The following HCN1 variants were observed in gnomAD, a reference collection of about 807,000 sequenced individuals.
The protein encoded by HCN1 is hyperpolarization activated cyclic nucleotide gated potassium channel 1, also known as potassium/sodium hyperpolarization-activated cyclic nucleotide-gated channel 1.
Under a neutral mutation model 78.9 loss-of-function variants are expected in HCN1, and 13 were observed. The observed-to-expected ratio is 0.16, with a 90% confidence interval of 0.11 to 0.26. The LOEUF (loss-of-function observed/expected upper bound fraction) is 0.26, where lower values mean the gene tolerates loss of function less well. HCN1 is among the 10% of genes least tolerant of loss of function. The pLI, the probability that HCN1 is intolerant of heterozygous loss-of-function variation, is 1.00. For missense variants in HCN1, 810 were observed against 1,154.3 expected (o/e 0.70, Z 4.32); for synonymous variants, 552 against 455.5 (o/e 1.21, Z -2.70).
intron 4 of HCN1, among the ~76,000 whole-genome samples, chr5:45,372,084 TA>T (rs1747393213): frequency 1.7e-5 from 1 of 58,474 alleles, no homozygotes; most frequent in Non-Finnish European, 2.7e-5. Flanking sequence ...ATATATAATA[TA>T]ATTATATATA....
In HCN1 at chr5:45,262,054, G is replaced by A. The variant is rs572698864; in HGVS notation, c.2540C>T (p.Ser847Leu). Residue 847 changes from serine (S) to leucine (L), a missense_variant, in exon 8 of 8, where the codon TCG becomes TTG. Physicochemically the swap from Ser to Leu is moderately radical, Grantham distance 145 (BLOSUM62 -2). Around this residue, in one of 6 missense-constraint regions of HCN1, gnomAD observed 398 missense variants for 381.3 expected, o/e 1.04. Coordinates refer to ENST00000303230, the MANE Select transcript of HCN1 (RefSeq NM_021072.4). ...QRVTLFRQMS[S>L]GAIPPNRGVP... Reference sequence around the variant, plus strand: ...TCCTCGGTTCGGGGGGATGGCTCCCGACGACATCTGTCGGAAGAGGGTGAC... The same window carrying A: ...TCCTCGGTTCGGGGGGATGGCTCCCAACGACATCTGTCGGAAGAGGGTGAC... 6.2e-7 allele frequency: 1 copy of A among 1,613,866 alleles called. No homozygotes were observed. The highest frequency in any genetic ancestry group is 2.2e-5 in the East Asian group (1 of 44,846).
At position 45,256,553 on chromosome 5, in the gene HCN1, AG is replaced by A. The variant is rs1390843002; in HGVS notation, c.*5367del. 2.0e-5 allele frequency: 3 copies of A among 152,100 alleles called. No homozygotes were observed. In the East Asian group the frequency reaches 5.8e-4, roughly 29 times the overall value. The allele number at this position is 152,100 out of a possible 1,614,324, so 9.4% of individuals were successfully genotyped here. A position where few individuals can be genotyped will look rare whatever the true frequency, so the allele number is the denominator to read the frequency against. The stretch of plus-strand genomic sequence containing the variant: ...TGTTTGTTTGGGTTTTTCTTGAGAA[AG>A]GGTTTTGCTCTGTCCCCCAAGCTGG... On this transcript the variant is annotated 3_prime_UTR_variant, in exon 8 of 8. Coordinates refer to ENST00000303230, the MANE Select transcript of HCN1 (RefSeq NM_021072.4).
At chr5:45,641,164 T>A (rs867450380) in intron 2 of HCN1, among the ~76,000 whole-genome samples, 1 of 152,170 alleles carries the variant, frequency 6.6e-6, no homozygotes, top group East Asian at 1.9e-4. Flanking sequence ...TATGTGTTTT[T>A]AAAAATATAA....
At chr5:45,433,821 T>G (rs1026288779) in intron 3 of HCN1, among the ~76,000 whole-genome samples, 2 of 152,226 alleles carry the variant, frequency 1.3e-5, no homozygotes, top group Non-Finnish European at 2.9e-5. Flanking sequence ...CTTTCTACAT[T>G]GTGCCAGCAA....
At chr5:45,548,861 C>G (rs1376448839) in intron 2 of HCN1, among the ~76,000 whole-genome samples, 9 of 151,672 alleles carry the variant, frequency 5.9e-5, no homozygotes, top group African/African-American at 2.2e-4. Context: ...AACAGACAAA[C>G]AGAGAGCCAA....
At chr5:45,474,515 T>C (rs980891091) in intron 2 of HCN1, among the ~76,000 whole-genome samples, 8 of 151,922 alleles carry the variant, frequency 5.3e-5, no homozygotes, top group Admixed American at 1.3e-4. Context: ...TATCCTGCAA[T>C]TGGAGATTTC....
intron 6 of HCN1, among the ~76,000 whole-genome samples, chr5:45,269,107 G>T (rs1464031736): frequency 6.6e-6 from 1 of 152,200 alleles, no homozygotes; most frequent in African/African-American, 2.4e-5. Context: ...ATACAAATCT[G>T]CAGAGACAGA....
At chr5:45,505,791 C>T (rs1021806978) in intron 2 of HCN1, among the ~76,000 whole-genome samples, 3 of 151,904 alleles carry the variant, frequency 2.0e-5, no homozygotes, top group African/African-American at 2.4e-5. Context: ...TATATAAATA[C>T]ACACACATCC....
chr5:45,681,783 C>A (rs1739706606), intron 1 of HCN1, among the ~76,000 whole-genome samples: 2 of 152,044 alleles, frequency 1.3e-5, no homozygotes, highest in Admixed American at 1.3e-4. Flanking sequence ...TTCTAAATGT[C>A]ATTGCCCAAA....
At chr5:45,459,511 TAC>T (rs71997654) in intron 3 of HCN1, among the ~76,000 whole-genome samples, 73 of 150,712 alleles carry the variant, frequency 4.8e-4, no homozygotes, top group African/African-American at 1.7e-3. Flanking sequence ...ATAAACATAC[TAC>T]ACACACACAC....
In HCN1 at chr5:45,366,246, TA is replaced by T. The variant is rs1227820436; in HGVS notation, c.1231-13001del. The stretch of plus-strand genomic sequence containing the variant: ...ATGTGTGTGTGTGGTAATTCTTCAA[TA>T]AAAAAAGGAAATTTAATTATGTTTA... On this transcript the variant is annotated intron_variant, in intron 4 of 7. Transcript: ENST00000303230. Among the ~76,000 whole-genome samples the T allele has an allele frequency of 2.0e-5, 3 of 151,358 alleles. No homozygotes were observed. The East Asian group carries it at 5.8e-4, about 29-fold the overall frequency.
chr5:45,380,372 C>G (rs919375422), intron 4 of HCN1, among the ~76,000 whole-genome samples: 1 of 152,092 alleles, frequency 6.6e-6, no homozygotes, highest in Non-Finnish European at 1.5e-5. Flanking sequence ...TAAGCTTCAA[C>G]ATGAATTTTG....
intron 3 of HCN1, among the ~76,000 whole-genome samples, chr5:45,446,547 A>AT (rs1740800969): frequency 6.6e-6 from 1 of 152,126 alleles, no homozygotes; most frequent in Non-Finnish European, 1.5e-5. Context: ...CGCCACAAAG[A>AT]TACTCCTCGA....
chr5:45,368,449 T>C (rs1295528388), intron 4 of HCN1, among the ~76,000 whole-genome samples: 1 of 152,048 alleles, frequency 6.6e-6, no homozygotes, highest in Non-Finnish European at 1.5e-5. Context: ...AATGGAATAA[T>C]TTGATTTGGA....
chr5:45,307,022 C>G (rs995789957), intron 5 of HCN1, among the ~76,000 whole-genome samples: 1 of 151,890 alleles, frequency 6.6e-6, no homozygotes, highest in Non-Finnish European at 1.5e-5. Context: ...AACAGAAAGA[C>G]CAATCCCCAA....
chr5:45,474,312 C>T (rs1741470163), intron 2 of HCN1, among the ~76,000 whole-genome samples: 1 of 151,906 alleles, frequency 6.6e-6, no homozygotes. Context: ...CTGCAAGTAG[C>T]TTATCATGAG....
chr5:45,472,727 A>G (rs1401153307), intron 2 of HCN1, among the ~76,000 whole-genome samples: 6 of 151,974 alleles, frequency 3.9e-5, no homozygotes, highest in Non-Finnish European at 8.8e-5. Context: ...GTGACTATAG[A>G]ATAGGGCCTC....
chr5:45,374,073 TAA>T (rs1479469879), intron 4 of HCN1, among the ~76,000 whole-genome samples: 18 of 108,290 alleles, frequency 1.7e-4, no homozygotes, highest in East Asian at 9.8e-4. Context: ...ATAATATATA[TAA>T]TATCTATTAC....
intron 6 of HCN1, among the ~76,000 whole-genome samples, chr5:45,278,673 TTAG>T (rs1421122660): frequency 2.0e-5 from 3 of 152,130 alleles, no homozygotes; most frequent in South Asian, 2.1e-4. Flanking sequence ...GTTACTTTAG[TTAG>T]TAGTATGTGT....
Sources: allele counts gnomAD v4.1 joint callset (sites outside exome capture counted in the v4.1 genomes callset), GRCh38; gene constraint gnomAD v4.1.1; regional missense constraint gnomAD v4.1.1; transcripts MANE v1.5; gene names NCBI Gene and HGNC (gene_info 2026-07-23, HGNC 2026-07-21).